NOS1: variants seen among roughly 807,000 people sequenced by gnomAD.
NOS1 encodes NOS type I.
NOS1 carries 51 observed loss-of-function variants against 164.5 expected under a neutral mutation model. The observed-to-expected ratio is 0.31, with a 90% CI of 0.25 to 0.39. NOS1 has a LOEUF of 0.39. Among genes scored for constraint, NOS1 ranks in the 10% least tolerant of loss-of-function variants. The pLI, the probability that NOS1 is intolerant of heterozygous loss-of-function variation, is 1.00. For missense variants in NOS1, 1,362 were observed against 1,885.6 expected (o/e 0.72, Z 5.14); for synonymous variants, 719 against 745.8 (o/e 0.96, Z 0.59).
intron 16 of NOS1, among the ~76,000 whole-genome samples, chr12:117,258,079 A>G (rs938895524): frequency 6.6e-6 from 1 of 152,200 alleles, no homozygotes; most frequent in Non-Finnish European, 1.5e-5. Flanking sequence ...CCGGGATTAC[A>G]GGCGTGAGCC....
At chr12:117,318,816 A>C (rs748920207) in intron 2 of NOS1, among the ~76,000 whole-genome samples, 1 of 152,196 alleles carries the variant, frequency 6.6e-6, no homozygotes, top group Non-Finnish European at 1.5e-5. Context: ...TGGTGCTGGC[A>C]GGAGGCCCTG....
rs59643665 is a variant in NOS1, at chr12:117,267,587, CAA to C, written c.1941+454_1941+455del. Among the ~76,000 whole-genome samples, 152 of 139,442 alleles carry C rather than the reference CAA, an allele frequency of 1.1e-3. 1 individual carries two copies. Among genetic ancestry groups the C allele is most frequent in the South Asian group, 2.8e-3 (12 of 4,340 alleles). 91.5% of individuals were successfully genotyped at this position (139,442 alleles called of 152,430 possible). On this transcript the variant is annotated intron_variant, in intron 11 of 28. Transcript: ENST00000317775. The stretch of plus-strand genomic sequence containing the variant: ...GGGCGACAAGAGTGAAACTCCATCT[CAA>C]AAAAAAAAAAAAAGTGTTGTGGCTT...
intron 1 of NOS1, among the ~76,000 whole-genome samples, chr12:117,335,671 T>C (rs1342627753): frequency 6.7e-6 from 1 of 150,166 alleles, no homozygotes; most frequent in Non-Finnish European, 1.5e-5. Flanking sequence ...TACTGTGCAC[T>C]AAGCATTGGT....
rs757975550 is a variant in NOS1, at chr12:117,212,353, C to A, written c.*2956G>T. 1 of 985,348 alleles carries A rather than the reference C, an allele frequency of 1.0e-6. No individual in the cohort carries two copies. Among genetic ancestry groups the A allele is most frequent in the African/African-American group, 1.7e-5 (1 of 57,340 alleles). 61.0% of individuals were successfully genotyped at this position (985,348 alleles called of 1,614,324 possible). A position where few individuals can be genotyped will look rare whatever the true frequency, so the allele number is the denominator to read the frequency against. On this transcript the variant is annotated 3_prime_UTR_variant, in exon 29 of 29. Coordinates refer to ENST00000317775, the MANE Select transcript of NOS1 (RefSeq NM_000620.5). ...GCAGAATTAGGATTTGCACTCAGGT[C>A]GGCTCCCAAAATTCCATATTGATGG... is the stretch of plus-strand genomic sequence containing the variant.
At chr12:117,240,123 G>A (rs1870051140) in intron 20 of NOS1, among the ~76,000 whole-genome samples, 1 of 152,182 alleles carries the variant, frequency 6.6e-6, no homozygotes, top group South Asian at 2.1e-4. Flanking sequence ...AGATTATTAG[G>A]CCTTCTCATA....
At chr12:117,265,224 G>T in intron 12 of NOS1, 92 bp downstream of exon 12, 1 of 1,192,586 alleles carries the variant, frequency 8.4e-7, no homozygotes, top group Non-Finnish European at 1.1e-6. Context: ...TGAGTGTCCA[G>T]AGCACTAGCC....
intron 1 of NOS1, among the ~76,000 whole-genome samples, chr12:117,349,223 C>T (rs945391972): frequency 6.6e-6 from 1 of 152,238 alleles, no homozygotes; most frequent in East Asian, 1.9e-4. Context: ...CAAGATGAGG[C>T]TTTTTGAGTC....
chr12:117,222,072 A>C (rs1956715999), intron 26 of NOS1, among the ~76,000 whole-genome samples: 1 of 152,010 alleles, frequency 6.6e-6, no homozygotes, highest in African/African-American at 2.4e-5. Flanking sequence ...GATCATCACT[A>C]TCTGGTTCCA....
intron 2 of NOS1, among the ~76,000 whole-genome samples, chr12:117,316,618 G>A (rs1003342944): frequency 7.2e-5 from 11 of 152,130 alleles, no homozygotes; most frequent in African/African-American, 2.7e-4. Flanking sequence ...CTAAGAAAAC[G>A]GATGCCCAGA....
chr12:117,260,886 G>A (rs1871847575), intron 13 of NOS1, among the ~76,000 whole-genome samples: 1 of 151,974 alleles, frequency 6.6e-6, no homozygotes, highest in Non-Finnish European at 1.5e-5. Context: ...TCCCACCAGA[G>A]GCCGGGTGTG....
intron 17 of NOS1, among the ~76,000 whole-genome samples, chr12:117,251,684 G>C (rs887080659): frequency 2.0e-5 from 3 of 151,316 alleles, no homozygotes; most frequent in African/African-American, 7.3e-5. Flanking sequence ...TCCCACCTTG[G>C]CCTCCCAAAG....
intron 3 of NOS1, among the ~76,000 whole-genome samples, chr12:117,301,418 A>T (rs964722952): frequency 6.6e-6 from 1 of 152,146 alleles, no homozygotes; most frequent in Non-Finnish European, 1.5e-5. Context: ...CATGAGCTAC[A>T]CCTGGCCTTC....
intron 3 of NOS1, among the ~76,000 whole-genome samples, chr12:117,311,255 C>T (rs554124787): frequency 2.7e-5 from 4 of 148,568 alleles, no homozygotes; most frequent in African/African-American, 1.0e-4. Context: ...CGGCATCTCA[C>T]AAACAATACC....
chr12:117,288,035 TA>T, intron 5 of NOS1, 38 bp downstream of exon 5: 1 of 1,611,486 alleles, frequency 6.2e-7, no homozygotes, highest in Non-Finnish European at 8.5e-7. Flanking sequence ...CAGCATTCGA[TA>T]ACTTACCTCG....
At chr12:117,303,392 T>G (rs1873952784) in intron 3 of NOS1, among the ~76,000 whole-genome samples, 1 of 152,122 alleles carries the variant, frequency 6.6e-6, no homozygotes, top group Non-Finnish European at 1.5e-5. Context: ...ATTTTGACAT[T>G]TTGAAAGCAG....
At chr12:117,245,094 C>G (rs774123200) in intron 18 of NOS1, among the ~76,000 whole-genome samples, 1 of 152,180 alleles carries the variant, frequency 6.6e-6, no homozygotes, top group Non-Finnish European at 1.5e-5. Flanking sequence ...CGCCTCCCCA[C>G]CTGGAAATCT....
At chr12:117,332,721 CG>C (rs1875606509) in intron 1 of NOS1, among the ~76,000 whole-genome samples, 1 of 152,032 alleles carries the variant, frequency 6.6e-6, no homozygotes. Flanking sequence ...AAAAATTAGC[CG>C]GGTGTGGTGG....
At chr12:117,271,908 T>C in intron 10 of NOS1, among the ~76,000 whole-genome samples, 1 of 152,174 alleles carries the variant, frequency 6.6e-6, no homozygotes, top group East Asian at 1.9e-4. Context: ...TCCCTTGTTT[T>C]TTAGAAAAGA....
intron 1 of NOS1, among the ~76,000 whole-genome samples, chr12:117,351,115 A>AAAG (rs747511504): frequency 3.3e-5 from 5 of 152,086 alleles, no homozygotes; most frequent in Admixed American, 2.0e-4. Context: ...CTCCGTCTCA[A>AAAG]AAGAAGAAGA....
Sources: allele counts gnomAD v4.1 joint callset (sites outside exome capture counted in the v4.1 genomes callset), GRCh38; gene constraint gnomAD v4.1.1; transcripts MANE v1.5; gene names NCBI Gene and HGNC (gene_info 2026-07-23, HGNC 2026-07-21).